ZC3H18: variants seen among roughly 807,000 people sequenced by gnomAD.
The protein encoded by ZC3H18 is zinc finger CCCH domain-containing protein 18.
A neutral mutation model predicts 106.1 loss-of-function variants in ZC3H18; 8 were observed. The observed-to-expected ratio is 0.08, with a 90% confidence interval of 0.04 to 0.14. The LOEUF is 0.14. Ranked by LOEUF, ZC3H18 falls within the 10% of genes least tolerant of loss-of-function variation. ZC3H18 has a pLI of 1.00. For missense variants in ZC3H18, 1,318 were observed against 1,278.4 expected (o/e 1.03, Z -0.47); for synonymous variants, 635 against 522.1 (o/e 1.22, Z -2.95).
At chr16:88,609,354 G>A (rs984527706) in intron 7 of ZC3H18, 2 of 203,846 alleles carry the variant, frequency 9.8e-6, no homozygotes, top group African/African-American at 2.3e-5. Context: ...CTGGAGTGCA[G>A]CGGTGCAATC....
chr16:88,608,145 T>G, intron 6 of ZC3H18, among the ~76,000 whole-genome samples: 1 of 152,202 alleles, frequency 6.6e-6, no homozygotes, highest in East Asian at 1.9e-4. Context: ...TTTGCAAATC[T>G]GAGCTCGTTT....
At chr16:88,601,171 GT>G (rs1450371497) in intron 6 of ZC3H18, among the ~76,000 whole-genome samples, 1 of 152,220 alleles carries the variant, frequency 6.6e-6, no homozygotes, top group Non-Finnish European at 1.5e-5. Context: ...GAGCTTAGAG[GT>G]TAAAGGGATA....
At chr16:88,587,575 C>CAAT in intron 3 of ZC3H18, 1 of 1,536,108 alleles carries the variant, frequency 6.5e-7, no homozygotes, top group Non-Finnish European at 8.7e-7. Flanking sequence ...CTTCTTCCAC[C>CAAT]AATATCCAAT....
Position 88,631,626 on chromosome 16 carries a change from TGTG to T in ZC3H18, c.*329_*331del, listed in dbSNP as rs1906697815. The stretch of plus-strand genomic sequence containing the variant: ...CTTCTTCCCTGGCCCTGGTCAGGCC[TGTG>T]GAGCCCCAGCTCTGGGTCCCTAGCC... On this transcript the variant is annotated 3_prime_UTR_variant, in exon 18 of 18. Transcript: ENST00000301011. 4.2e-6 allele frequency: 2 copies of T among 481,370 alleles called. No homozygotes were observed. Among genetic ancestry groups the T allele is most frequent in the Non-Finnish European group, 8.2e-6 (2 of 244,206 alleles). The allele number at this position is 481,370 out of a possible 1,614,324, so 29.8% of individuals were successfully genotyped here. A position where few individuals can be genotyped will look rare whatever the true frequency, so the allele number is the denominator to read the frequency against.
At chr16:88,610,912 C>G (rs2142746504) in intron 7 of ZC3H18, among the ~76,000 whole-genome samples, 1 of 152,288 alleles carries the variant, frequency 6.6e-6, no homozygotes, top group Middle Eastern at 3.4e-3. Context: ...GAATTGCTGC[C>G]CTGAGTTAGT....
At chr16:88,613,575 A>G (rs1054049450) in intron 8 of ZC3H18, among the ~76,000 whole-genome samples, 1 of 151,820 alleles carries the variant, frequency 6.6e-6, no homozygotes, top group South Asian at 2.1e-4. Flanking sequence ...TGCGATTTGT[A>G]TTTCTCTGAT....
intron 10 of ZC3H18, chr16:88,623,726 A>G: frequency 1.5e-6 from 1 of 676,930 alleles, no homozygotes; most frequent in Non-Finnish European, 2.3e-6. Flanking sequence ...TGAACGTGAC[A>G]CTCGCCTCCC....
intron 2 of ZC3H18, among the ~76,000 whole-genome samples, 157 bp downstream of exon 2, chr16:88,577,883 A>G (rs957228997): frequency 4.6e-5 from 7 of 152,192 alleles, no homozygotes; most frequent in African/African-American, 1.7e-4. Context: ...TCAGTCCCAT[A>G]GTGATTGGAG....
chr16:88,631,408 AAAAG>A lies in ZC3H18; in HGVS notation c.*113_*116del. The A allele has an allele frequency of 7.0e-7, 1 of 1,423,278 alleles. No homozygotes were observed. The highest frequency in any genetic ancestry group is 9.5e-7 in the Non-Finnish European group (1 of 1,057,728). The allele number at this position is 1,423,278 out of a possible 1,614,324, so 88.2% of individuals were successfully genotyped here. On this transcript the variant is annotated 3_prime_UTR_variant, in exon 18 of 18. Coordinates refer to ENST00000301011, the MANE Select transcript of ZC3H18 (RefSeq NM_144604.4). ...GGCTGTGATTCTTTTTAAAAAGTAA[AAAAG>A]AAAAAAAAGTTTCTCAGCTGGAAAA...
intron 4 of ZC3H18, 120 bp from the exon 5 acceptor site, chr16:88,598,497 TTGG>T: frequency 6.9e-7 from 1 of 1,448,722 alleles, no homozygotes; most frequent in Non-Finnish European, 9.5e-7. Context: ...GGAGTGAGGC[TTGG>T]TGGAAGGAGA....
chr16:88,616,395 C>T (rs1231335245), intron 8 of ZC3H18, among the ~76,000 whole-genome samples: 2 of 152,230 alleles, frequency 1.3e-5, no homozygotes, highest in Non-Finnish European at 2.9e-5. Context: ...TGCCCTCAGC[C>T]CCTTCTCGGA....
intron 6 of ZC3H18, among the ~76,000 whole-genome samples, chr16:88,600,939 A>G (rs1007311710): frequency 1.3e-5 from 2 of 152,232 alleles, no homozygotes; most frequent in Non-Finnish European, 2.9e-5. Flanking sequence ...TCTGGTTGCT[A>G]TTAGGGAATC....
At chr16:88,626,750 A>C (rs1429871911) in intron 13 of ZC3H18, 1 of 152,020 alleles carries the variant, frequency 6.6e-6, no homozygotes, top group Non-Finnish European at 1.5e-5. Context: ...TCCGGTACCC[A>C]ATGTACCTGG....
chr16:88,588,953 C>T (rs150133609), intron 3 of ZC3H18, among the ~76,000 whole-genome samples: 1 of 151,950 alleles, frequency 6.6e-6, no homozygotes, highest in African/African-American at 2.4e-5. Flanking sequence ...TTATCAATAA[C>T]TCATTTCAGA....
rs776625358 is a variant in ZC3H18, at chr16:88,577,617, A to T, written c.494A>T (p.Glu165Val). 6 of 1,613,746 alleles carry T rather than the reference A, an allele frequency of 3.7e-6. No individual in the cohort carries two copies. In the East Asian group the frequency reaches 1.3e-4, roughly 36 times the overall value. Residue 165 changes from glutamate to valine, a missense_variant, in exon 2 of 18, where the codon GAG (glutamate) becomes GTG (valine). By Grantham distance (121) the Glu-to-Val change is moderately radical. Coordinates refer to ENST00000301011, the MANE Select transcript of ZC3H18 (RefSeq NM_144604.4). ...GAGAAAGGCGAAGGCACTCCCAGGGAGGAGGGGAAGGCTGGTGTTCAGAGT... is the reference window on the plus strand; with the variant it reads ...GAGAAAGGCGAAGGCACTCCCAGGGTGGAGGGGAAGGCTGGTGTTCAGAGT... ...DEEKGEGTPR[E>V]EGKAGVQSVG...
At chr16:88,620,352 G>T (rs962396691) in intron 8 of ZC3H18, among the ~76,000 whole-genome samples, 2 of 152,206 alleles carry the variant, frequency 1.3e-5, no homozygotes, top group Non-Finnish European at 2.9e-5. Flanking sequence ...ACTCTGGGAG[G>T]CCAGGGTGGG....
chr16:88,631,321 A>G lies in ZC3H18; in HGVS notation c.*22A>G, dbSNP rs887848108. On this transcript the variant is annotated 3_prime_UTR_variant, in exon 18 of 18. Transcript: ENST00000301011. ...ATAGGCCGTGCCCCGACCGGACTGGACGCATTTTTATACATAGGGTAAGCG... is the reference window on the plus strand; with the variant it reads ...ATAGGCCGTGCCCCGACCGGACTGGGCGCATTTTTATACATAGGGTAAGCG... 1 of 1,556,378 alleles carries G rather than the reference A, an allele frequency of 6.4e-7. No homozygotes were observed.
At chr16:88,604,602 C>T (rs557197296) in intron 6 of ZC3H18, among the ~76,000 whole-genome samples, 1 of 151,076 alleles carries the variant, frequency 6.6e-6, no homozygotes, top group Non-Finnish European at 1.5e-5. Context: ...AGGAGAATGG[C>T]GTGAACCCAG....
chr16:88,612,364 G>A (rs748553994), intron 8 of ZC3H18, among the ~76,000 whole-genome samples: 26 of 152,022 alleles, frequency 1.7e-4, no homozygotes, highest in Non-Finnish European at 3.8e-4. Flanking sequence ...CAACATGAGA[G>A]CACTTTTGCC....
Sources: gnomAD v4.1 joint callset for allele counts (sites outside exome capture counted in the v4.1 genomes callset) on GRCh38, gnomAD v4.1.1 for gene constraint, MANE v1.5 for transcripts, NCBI Gene and HGNC (gene_info 2026-07-23, HGNC 2026-07-21) for gene names.